The following SH3RF3 variants were observed in gnomAD, a reference collection of about 807,000 sequenced individuals.
SH3RF3 encodes SH3 domain containing ring finger 3.
A neutral mutation model predicts 66.3 loss-of-function variants in SH3RF3; 29 were observed. The observed-to-expected ratio is 0.44, with a 90% CI of 0.33 to 0.60. The LOEUF (loss-of-function observed/expected upper bound fraction) is 0.60. SH3RF3 is among the 20% of genes least tolerant of loss of function. The pLI is 0.04. For missense variants in SH3RF3, 1,194 were observed against 1,190.9 expected (o/e 1.00, Z -0.04); for synonymous variants, 583 against 532.0 (o/e 1.10, Z -1.32).
intron 1 of SH3RF3, among the ~76,000 whole-genome samples, chr2:109,271,187 G>A (rs1369010011): frequency 2.0e-5 from 3 of 152,142 alleles, no homozygotes; most frequent in East Asian, 3.9e-4. Flanking sequence ...TTGCTAATGA[G>A]CAAAACAAGG....
intron 8 of SH3RF3, among the ~76,000 whole-genome samples, chr2:109,452,556 G>A (rs1677905408): frequency 6.6e-6 from 1 of 152,178 alleles, no homozygotes; most frequent in Non-Finnish European, 1.5e-5. Flanking sequence ...AGGCAGGGTG[G>A]ATACAGCTCC....
intron 1 of SH3RF3, among the ~76,000 whole-genome samples, chr2:109,284,350 A>C (rs1680969256): frequency 6.6e-6 from 1 of 152,258 alleles, no homozygotes; most frequent in African/African-American, 2.4e-5. Flanking sequence ...GATAGCAACC[A>C]AAATTATCAG....
chr2:109,469,062 A>C (rs1263841734), intron 8 of SH3RF3, among the ~76,000 whole-genome samples: 1 of 151,690 alleles, frequency 6.6e-6, no homozygotes, highest in Non-Finnish European at 1.5e-5. Flanking sequence ...CCAGGCATGT[A>C]AGCTGAGAAC....
At position 109,437,075 on chromosome 2, in the gene SH3RF3, C is replaced by G. The variant is rs1677424321; in HGVS notation, c.1757C>G (p.Pro586Arg). ...QAHAQHPTAS[P>R]PTGSCLRHSA... ...CACGCCCAGCACCCCACAGCCTCGCCCCCAACAGGCAGCTGTCTACGGCAC... is the reference window on the plus strand; with the variant it reads ...CACGCCCAGCACCCCACAGCCTCGCGCCCAACAGGCAGCTGTCTACGGCAC... The change falls in exon 7 of 10, where the codon CCC (proline) becomes CGC (arginine). Residue 586 changes from proline (P) to arginine (R), a missense_variant. By Grantham distance (103) the Pro-to-Arg change is moderately radical. Transcript: ENST00000309415. 6.2e-7 allele frequency: 1 copy of G among 1,613,726 alleles called. No individual in the cohort carries two copies. The highest frequency in any genetic ancestry group is 8.5e-7 in the Non-Finnish European group (1 of 1,179,854).
chr2:109,251,249 C>T (rs559809063), intron 1 of SH3RF3, among the ~76,000 whole-genome samples: 33 of 152,204 alleles, frequency 2.2e-4, no homozygotes, highest in Admixed American at 3.9e-4. Context: ...GTTATCCACC[C>T]GCCTCAGCCT....
At chr2:109,465,331 A>G (rs1042044115) in intron 8 of SH3RF3, among the ~76,000 whole-genome samples, 2 of 152,218 alleles carry the variant, frequency 1.3e-5, no homozygotes, top group African/African-American at 4.8e-5. Context: ...ATACCAAGAA[A>G]GGAGATTTTA....
intron 1 of SH3RF3, among the ~76,000 whole-genome samples, chr2:109,144,989 G>C (rs1677058594): frequency 6.6e-6 from 1 of 152,250 alleles, no homozygotes; most frequent in Non-Finnish European, 1.5e-5. Flanking sequence ...CGGCTCCTGG[G>C]CTCTAACAGG....
At chr2:109,439,731 C>A (rs532654309) in intron 7 of SH3RF3, among the ~76,000 whole-genome samples, 1 of 151,996 alleles carries the variant, frequency 6.6e-6, no homozygotes, top group Non-Finnish European at 1.5e-5. Flanking sequence ...AATTCATCAG[C>A]AAAAAAGCAC....
intron 8 of SH3RF3, among the ~76,000 whole-genome samples, chr2:109,451,768 G>A (rs960711206): frequency 2.0e-5 from 3 of 152,250 alleles, no homozygotes; most frequent in African/African-American, 7.2e-5. Flanking sequence ...ATGCAGGGAC[G>A]CCCTGCCATG....
chr2:109,148,992 T>G (rs1185075129), intron 1 of SH3RF3, among the ~76,000 whole-genome samples: 2 of 152,250 alleles, frequency 1.3e-5, no homozygotes, highest in African/African-American at 4.8e-5. Flanking sequence ...TTTCCCTGTT[T>G]GCACTTCTGG....
intron 1 of SH3RF3, among the ~76,000 whole-genome samples, chr2:109,305,658 A>G (rs948231514): frequency 6.6e-6 from 1 of 152,208 alleles, no homozygotes; most frequent in Non-Finnish European, 1.5e-5. Context: ...TGCACTCAGC[A>G]TTCGCTCAGT....
intron 1 of SH3RF3, among the ~76,000 whole-genome samples, chr2:109,339,807 T>C (rs577974832): frequency 6.6e-6 from 1 of 152,186 alleles, no homozygotes; most frequent in Non-Finnish European, 1.5e-5. Context: ...CTGAATTGGA[T>C]AAATGTAAAC....
intron 1 of SH3RF3, among the ~76,000 whole-genome samples, chr2:109,317,586 A>G (rs1681918234): frequency 6.6e-6 from 1 of 152,162 alleles, no homozygotes; most frequent in African/African-American, 2.4e-5. Flanking sequence ...TCTGAGGTAC[A>G]GAACAGTCAA....
intron 1 of SH3RF3, among the ~76,000 whole-genome samples, chr2:109,141,293 C>T (rs1676942354): frequency 6.6e-6 from 1 of 152,204 alleles, no homozygotes; most frequent in Non-Finnish European, 1.5e-5. Context: ...AGTGCTCTGT[C>T]GGCTTTTGCA....
At chr2:109,354,718 C>A (rs551277285) in intron 2 of SH3RF3, among the ~76,000 whole-genome samples, 1 of 152,240 alleles carries the variant, frequency 6.6e-6, no homozygotes, top group Admixed American at 6.5e-5. Context: ...ACAGGGAAGG[C>A]GAGCGTCGGC....
intron 1 of SH3RF3, among the ~76,000 whole-genome samples, chr2:109,225,023 T>C (rs565482545): frequency 1.3e-5 from 2 of 152,294 alleles, no homozygotes; most frequent in East Asian, 3.9e-4. Flanking sequence ...AAAGATTGTC[T>C]GGAAGAAGGA....
At chr2:109,181,049 G>A (rs1678061363) in intron 1 of SH3RF3, among the ~76,000 whole-genome samples, 2 of 152,122 alleles carry the variant, frequency 1.3e-5, no homozygotes. Context: ...TGGCCAGCCC[G>A]CTGTGCACAC....
chr2:109,374,188 G>C (rs1683333731), intron 3 of SH3RF3, among the ~76,000 whole-genome samples: 1 of 152,158 alleles, frequency 6.6e-6, no homozygotes, highest in South Asian at 2.1e-4. Flanking sequence ...GCCCTGGACT[G>C]TCCTTCAGGC....
intron 8 of SH3RF3, among the ~76,000 whole-genome samples, chr2:109,469,373 G>A (rs1284188823): frequency 1.3e-5 from 2 of 151,846 alleles, no homozygotes; most frequent in African/African-American, 4.8e-5. Flanking sequence ...CCCGTGCTTT[G>A]CTTTGGGGCC....
Sources: gnomAD v4.1 joint callset for allele counts (sites outside exome capture counted in the v4.1 genomes callset) on GRCh38, gnomAD v4.1.1 for gene constraint, MANE v1.5 for transcripts, NCBI Gene and HGNC (gene_info 2026-07-23, HGNC 2026-07-21) for gene names.